The following DIAPH2 variants were observed in gnomAD, a reference collection of about 807,000 sequenced individuals.
The protein encoded by DIAPH2 is diaphanous related formin 2.
A neutral mutation model predicts 92.7 loss-of-function variants in DIAPH2; 35 were observed. The observed-to-expected ratio is 0.38, with a 90% confidence interval of 0.29 to 0.50. The LOEUF is 0.50. Among genes scored for constraint, DIAPH2 ranks in the 20% least tolerant of loss-of-function variants. The pLI, the probability that DIAPH2 is intolerant of heterozygous loss-of-function variation, is 0.94. For missense variants in DIAPH2, 701 were observed against 819.5 expected (o/e 0.86, Z 1.77); for synonymous variants, 301 against 280.4 (o/e 1.07, Z -0.73).
chrX:97,010,871 G>A (rs1052702349), intron 17 of DIAPH2, among the ~76,000 whole-genome samples: 3 of 110,388 alleles, frequency 2.7e-5, no homozygotes, highest in African/African-American at 6.6e-5. Context: ...TTTATTTCCC[G>A]TTTCCAGGCT....
At chrX:97,225,328 G>C (rs1169716085) in intron 22 of DIAPH2, among the ~76,000 whole-genome samples, 1 of 111,259 alleles carries the variant, frequency 9.0e-6, no homozygotes, top group Non-Finnish European at 1.9e-5. Context: ...CTAGAAACTG[G>C]TTTAGAGGGT....
chrX:97,070,084 AG>A (rs1179793908), intron 17 of DIAPH2, among the ~76,000 whole-genome samples: 1 of 111,755 alleles, frequency 8.9e-6, no homozygotes, highest in African/African-American at 3.2e-5. Flanking sequence ...CTTCATTATT[AG>A]GATTATCTTC....
At chrX:96,863,310 T>G (rs1316605525) in intron 4 of DIAPH2, among the ~76,000 whole-genome samples, 6 of 108,948 alleles carry the variant, frequency 5.5e-5, no homozygotes, top group African/African-American at 1.0e-4. Context: ...TCTTATTTTT[T>G]TCTTTCACCT....
chrX:97,297,566 G>GCCTC (rs941132630), intron 23 of DIAPH2, among the ~76,000 whole-genome samples: 8 of 104,401 alleles, frequency 7.7e-5, no homozygotes, highest in African/African-American at 2.8e-4. Flanking sequence ...TTCCCCAAAC[G>GCCTC]CCTCTGCCAG....
At chrX:97,498,158 G>A (rs1490550843) in intron 26 of DIAPH2, among the ~76,000 whole-genome samples, 1 of 111,245 alleles carries the variant, frequency 9.0e-6, no homozygotes, top group African/African-American at 3.3e-5. Flanking sequence ...CTTATGATTT[G>A]CCATTATGGT....
intron 26 of DIAPH2, among the ~76,000 whole-genome samples, chrX:97,478,698 G>A (rs1302464666): frequency 8.9e-6 from 1 of 112,058 alleles, no homozygotes; most frequent in African/African-American, 3.2e-5. Flanking sequence ...TATTAGGCAA[G>A]TCAGATTAAA....
intron 22 of DIAPH2, among the ~76,000 whole-genome samples, chrX:97,149,893 C>T (rs1224192523): frequency 9.0e-6 from 1 of 110,835 alleles, no homozygotes; most frequent in African/African-American, 3.3e-5. Context: ...ATTTTCCAGT[C>T]TGTAAGACTT....
At chrX:97,243,087 A>T in intron 22 of DIAPH2, among the ~76,000 whole-genome samples, 1 of 111,424 alleles carries the variant, frequency 9.0e-6, no homozygotes, top group Admixed American at 9.7e-5. Flanking sequence ...CACCTGGCCA[A>T]AAAGTTATTA....
intron 22 of DIAPH2, among the ~76,000 whole-genome samples, chrX:97,162,319 CCT>C (rs2067380149): frequency 9.0e-6 from 1 of 111,409 alleles, no homozygotes; most frequent in East Asian, 2.8e-4. Flanking sequence ...AGTTTCTTAA[CCT>C]CTCTGTGCCA....
At chrX:97,014,921 G>A (rs2066250412) in intron 17 of DIAPH2, among the ~76,000 whole-genome samples, 2 of 111,921 alleles carry the variant, frequency 1.8e-5, no homozygotes, top group Admixed American at 1.9e-4. Flanking sequence ...TTGTTATTGT[G>A]TTCTTGTTAT....
chrX:97,015,158 A>G (rs2066251838), intron 17 of DIAPH2, among the ~76,000 whole-genome samples: 1 of 111,922 alleles, frequency 8.9e-6, no homozygotes, highest in African/African-American at 3.2e-5. Context: ...TAAATCTAAA[A>G]ATTATATAAA....
chrX:96,727,282 G>A (rs985616669), intron 1 of DIAPH2, among the ~76,000 whole-genome samples: 2 of 112,054 alleles, frequency 1.8e-5, no homozygotes, highest in South Asian at 3.7e-4. Flanking sequence ...GATTGTACAC[G>A]TGTGCCAACC....
At chrX:97,508,188 A>T (rs1245133143) in intron 26 of DIAPH2, among the ~76,000 whole-genome samples, 1 of 111,476 alleles carries the variant, frequency 9.0e-6, no homozygotes, top group Non-Finnish European at 1.9e-5. Context: ...AAAAAATGAC[A>T]TGACCTTTTA....
chrX:96,869,012 C>T (rs900667831), intron 4 of DIAPH2, among the ~76,000 whole-genome samples: 1 of 112,054 alleles, frequency 8.9e-6, no homozygotes, highest in African/African-American at 3.2e-5. Flanking sequence ...ATAGATTCAA[C>T]AGGGCAGGAC....
At chrX:97,103,920 C>T (rs1368924959) in intron 20 of DIAPH2, among the ~76,000 whole-genome samples, 2 of 111,385 alleles carry the variant, frequency 1.8e-5, no homozygotes, top group Non-Finnish European at 3.8e-5. Flanking sequence ...TGCTTAGGAC[C>T]ATTGCACATG....
chrX:97,516,830 A>G (rs2070952580), intron 26 of DIAPH2, among the ~76,000 whole-genome samples: 1 of 112,337 alleles, frequency 8.9e-6, no homozygotes, highest in Admixed American at 9.4e-5. Context: ...CTCCTGCCTC[A>G]GCCTCCTGAG....
chrX:97,357,854 C>G (rs1018269183), intron 24 of DIAPH2, among the ~76,000 whole-genome samples: 5 of 111,988 alleles, frequency 4.5e-5, no homozygotes, highest in Non-Finnish European at 9.4e-5. Flanking sequence ...TGAGGCATTT[C>G]TTCTGTCTGA....
chrX:97,325,543 G>GTTATTTTATTTTATTTTATTTTATT (rs58975226), intron 23 of DIAPH2, among the ~76,000 whole-genome samples: 16 of 95,075 alleles, frequency 1.7e-4, no homozygotes, highest in Admixed American at 1.2e-4. Context: ...TCATCTTAAT[G>GTTATTTTATTTTATTTTATTTTATT]TTATTTTATT....
chrX:97,414,185 G>C (rs1320759868), intron 25 of DIAPH2, among the ~76,000 whole-genome samples: 1 of 111,823 alleles, frequency 8.9e-6, no homozygotes, highest in African/African-American at 3.3e-5. Flanking sequence ...AAAACAGCAT[G>C]GTACTGGTAC....
Sources: gnomAD v4.1 joint callset for allele counts (sites outside exome capture counted in the v4.1 genomes callset) on GRCh38, gnomAD v4.1.1 for gene constraint, MANE v1.5 for transcripts, NCBI Gene and HGNC (gene_info 2026-07-23, HGNC 2026-07-21) for gene names.